ITGA9: variants seen among roughly 807,000 people sequenced by gnomAD.
The protein encoded by ITGA9 is integrin alpha-9.
Under a neutral mutation model 127.8 loss-of-function variants are expected in ITGA9, and 56 were observed. The observed-to-expected ratio is 0.44, with a 90% CI of 0.35 to 0.55. The LOEUF (loss-of-function observed/expected upper bound fraction) is 0.55. ITGA9 is among the 20% of genes least tolerant of loss of function. The probability of loss-of-function intolerance (pLI) is 0.00; values close to 1 mark genes in which losing one functional copy is unlikely to be tolerated. For synonymous variants in ITGA9, 508 were observed against 514.5 expected, an observed-to-expected ratio of 0.99 and a Z score of 0.17; for missense variants, 1,196 against 1,347.1, an observed-to-expected ratio of 0.89 and a Z score of 1.76.
intron 27 of ITGA9, among the ~76,000 whole-genome samples, chr3:37,813,281 A>G (rs1054851269): frequency 6.6e-6 from 1 of 152,266 alleles, no homozygotes; most frequent in Non-Finnish European, 1.5e-5. Context: ...CCCATCATAA[A>G]GTCAAAAAAC....
intron 8 of ITGA9, among the ~76,000 whole-genome samples, chr3:37,511,312 A>G (rs868014397): frequency 7.9e-5 from 12 of 152,216 alleles, no homozygotes; most frequent in Non-Finnish European, 1.2e-4. Flanking sequence ...ACACATCTCC[A>G]CATTTCCAGG....
At chr3:37,534,682 G>C (rs1217265817) in intron 14 of ITGA9, among the ~76,000 whole-genome samples, 2 of 152,228 alleles carry the variant, frequency 1.3e-5, no homozygotes, top group East Asian at 3.8e-4. Context: ...TTTTTAAAAA[G>C]AGCTTAGAAA....
At chr3:37,651,092 A>G (rs1426443801) in intron 16 of ITGA9, among the ~76,000 whole-genome samples, 1 of 152,144 alleles carries the variant, frequency 6.6e-6, no homozygotes, top group Non-Finnish European at 1.5e-5. Flanking sequence ...GCACTCATAT[A>G]ACCTGTAGGG....
At chr3:37,729,312 C>T (rs1575211194) in intron 18 of ITGA9, among the ~76,000 whole-genome samples, 1 of 152,192 alleles carries the variant, frequency 6.6e-6, no homozygotes, top group Non-Finnish European at 1.5e-5. Flanking sequence ...TCCATGACAT[C>T]CCTTCCTGTA....
chr3:37,764,655 G>GC (rs1220844628), intron 23 of ITGA9, among the ~76,000 whole-genome samples: 1 of 151,926 alleles, frequency 6.6e-6, no homozygotes, highest in Non-Finnish European at 1.5e-5. Context: ...ACTTCCCTGG[G>GC]CCCCCTGCCC....
chr3:37,776,320 TCCCAAACATAA>T (rs1240707566), intron 23 of ITGA9, among the ~76,000 whole-genome samples: 1 of 151,988 alleles, frequency 6.6e-6, no homozygotes, highest in Admixed American at 6.6e-5. Context: ...GCACATGTAC[TCCCAAACATAA>T]AATAAAAGTT....
At chr3:37,454,902 T>G (rs1698239810) in intron 1 of ITGA9, among the ~76,000 whole-genome samples, 1 of 152,198 alleles carries the variant, frequency 6.6e-6, no homozygotes, top group Non-Finnish European at 1.5e-5. Context: ...CTATGGCCTT[T>G]GGAGCAAGTG....
chr3:37,767,098 A>G (rs544093779), intron 23 of ITGA9, among the ~76,000 whole-genome samples: 5 of 152,224 alleles, frequency 3.3e-5, no homozygotes, highest in Non-Finnish European at 5.9e-5. Context: ...ACGCAAAGGA[A>G]GAGGGAGGAG....
intron 15 of ITGA9, among the ~76,000 whole-genome samples, chr3:37,559,929 G>A (rs1268447593): frequency 6.6e-6 from 1 of 152,090 alleles, no homozygotes; most frequent in African/African-American, 2.4e-5. Flanking sequence ...ATATAATGTG[G>A]TCACATCTGT....
chr3:37,682,571 C>T (rs914459376), intron 17 of ITGA9, among the ~76,000 whole-genome samples: 6 of 152,176 alleles, frequency 3.9e-5, no homozygotes, highest in Non-Finnish European at 8.8e-5. Context: ...TCTAGTCTGT[C>T]CCAAATGTAT....
intron 8 of ITGA9, among the ~76,000 whole-genome samples, chr3:37,510,399 C>T (rs138570875): frequency 1.1e-4 from 16 of 152,290 alleles, no homozygotes; most frequent in African/African-American, 3.8e-4. Context: ...CTGCCCTACT[C>T]CTTACTGTCT....
intron 17 of ITGA9, among the ~76,000 whole-genome samples, chr3:37,668,722 A>G (rs1249637102): frequency 6.6e-6 from 1 of 152,112 alleles, no homozygotes; most frequent in Non-Finnish European, 1.5e-5. Context: ...TGTCCTGCAC[A>G]CACCCTCTCA....
At chr3:37,595,745 C>T (rs572346135) in intron 15 of ITGA9, among the ~76,000 whole-genome samples, 1 of 152,200 alleles carries the variant, frequency 6.6e-6, no homozygotes. Context: ...AGCTTTGGGG[C>T]AGTTTCCTGC....
At chr3:37,795,753 TCTC>T (rs761300853) in intron 26 of ITGA9, among the ~76,000 whole-genome samples, 9 of 152,106 alleles carry the variant, frequency 5.9e-5, no homozygotes, top group South Asian at 4.1e-4. Flanking sequence ...CCAGCAGACT[TCTC>T]CTCCTCCTCA....
intron 5 of ITGA9, among the ~76,000 whole-genome samples, chr3:37,495,597 C>T (rs1420701866): frequency 6.6e-6 from 1 of 152,190 alleles, no homozygotes; most frequent in African/African-American, 2.4e-5. Context: ...ATTACAATCG[C>T]CTCCATTATC....
At chr3:37,722,002 G>A (rs1701195845) in intron 18 of ITGA9, among the ~76,000 whole-genome samples, 1 of 152,112 alleles carries the variant, frequency 6.6e-6, no homozygotes, top group Admixed American at 6.6e-5. Context: ...TCTGTACTTG[G>A]AACCAAGTCC....
intron 13 of ITGA9, among the ~76,000 whole-genome samples, chr3:37,530,627 G>C (rs965950394): frequency 6.6e-6 from 1 of 150,938 alleles, no homozygotes; most frequent in Non-Finnish European, 1.5e-5. Context: ...ACATGTCAAA[G>C]GGCATCCCAA....
intron 16 of ITGA9, among the ~76,000 whole-genome samples, chr3:37,640,295 T>A (rs575564396): frequency 4.6e-5 from 7 of 152,154 alleles, no homozygotes; most frequent in African/African-American, 1.7e-4. Flanking sequence ...GTGGGAGGAA[T>A]GAGGCGGAAT....
At chr3:37,750,682 T>C (rs1398375133) in intron 23 of ITGA9, 113 bp downstream of exon 23, 1 of 788,978 alleles carries the variant, frequency 1.3e-6, no homozygotes, top group Non-Finnish European at 2.2e-6. Flanking sequence ...ATTCAACTCA[T>C]TCTACCCTTT....
Sources: gnomAD v4.1 joint callset for allele counts (sites outside exome capture counted in the v4.1 genomes callset) on GRCh38, gnomAD v4.1.1 for gene constraint, MANE v1.5 for transcripts, NCBI Gene and HGNC (gene_info 2026-07-23, HGNC 2026-07-21) for gene names.